The following PDZD2 variants were observed in gnomAD, a reference collection of about 807,000 sequenced individuals.
PDZD2 encodes PDZ domain containing 2, also known as PDZ domain-containing protein 2.
In PDZD2, 90 loss-of-function variants were observed where a neutral mutation model predicts 220.7. The observed-to-expected ratio is 0.41, with a 90% CI of 0.34 to 0.49. PDZD2 has a LOEUF of 0.49. PDZD2 is among the 20% of genes least tolerant of loss of function. The probability of loss-of-function intolerance (pLI) is 0.28; values close to 1 mark genes in which losing one functional copy is unlikely to be tolerated. For synonymous variants in PDZD2, 1,375 were observed against 1,450.5 expected, an observed-to-expected ratio of 0.95 and a Z score of 1.18; for missense variants, 3,174 against 3,608.5, an observed-to-expected ratio of 0.88 and a Z score of 3.08.
rs1204456575 is a variant in PDZD2 at position 31,799,417 on chromosome 5, G to T, written c.169G>T (p.Val57Phe). ...GAACTTTGCTGTGGATGAGAGTACG[G>T]TCCCACCTGATCACAGCCCCCCCGA... The part of the protein sequence containing the change: ...QLNFAVDEST[V>F]PPDHSPPEME... The change falls in exon 2 of 25, where the codon GTC (valine) becomes TTC (phenylalanine). Residue 57 changes from valine to phenylalanine, a missense_variant. Val to Phe is a conservative substitution (Grantham distance 50, BLOSUM62 -1). This residue lies in a region of PDZD2 where 632 missense variants were observed against 708.1 expected (regional missense o/e 0.89). Transcript: ENST00000438447. The T allele has an allele frequency of 6.2e-7, 1 of 1,614,222 alleles. No homozygotes were observed. Among genetic ancestry groups the T allele is most frequent in the Admixed American group, 1.7e-5 (1 of 60,022 alleles).
chr5:32,021,296 G>A (rs577630527), intron 6 of PDZD2, among the ~76,000 whole-genome samples: 6 of 150,148 alleles, frequency 4.0e-5, no homozygotes, highest in South Asian at 2.1e-4. Flanking sequence ...AGACAGCCTC[G>A]CTCTGTCACC....
At chr5:31,995,744 C>T (rs770940271) in intron 4 of PDZD2, 26 bp downstream of exon 4, 36 of 1,604,700 alleles carry the variant, frequency 2.2e-5, no homozygotes, top group Non-Finnish European at 3.0e-5. Flanking sequence ...TCCCCTCTCC[C>T]CCATCCCTCT....
intron 1 of PDZD2, among the ~76,000 whole-genome samples, chr5:31,735,123 T>C (rs253912): frequency 0.76 from 115,149 of 152,104 alleles, 43,755 homozygotes; most frequent in East Asian, 0.93. Context: ...CTCAGCCTCT[T>C]CATGAGCCGT....
At chr5:31,655,362 C>T (rs1025991419) in intron 1 of PDZD2, among the ~76,000 whole-genome samples, 3 of 152,034 alleles carry the variant, frequency 2.0e-5, no homozygotes, top group African/African-American at 7.2e-5. Context: ...TTAGTAGAGA[C>T]GGGGTTTCAC....
chr5:31,874,498 C>T (rs1175736052), intron 2 of PDZD2, among the ~76,000 whole-genome samples: 1 of 152,090 alleles, frequency 6.6e-6, no homozygotes, highest in Non-Finnish European at 1.5e-5. Flanking sequence ...TGGTGGCTCA[C>T]ACCTGTAATC....
intron 1 of PDZD2, among the ~76,000 whole-genome samples, chr5:31,678,104 G>T (rs900114201): frequency 6.6e-6 from 1 of 152,160 alleles, no homozygotes; most frequent in African/African-American, 2.4e-5. Context: ...TCTTTATAAG[G>T]ACTCCAGACA....
intron 1 of PDZD2, among the ~76,000 whole-genome samples, chr5:31,779,413 C>T (rs374601091): frequency 2.4e-5 from 3 of 122,696 alleles, no homozygotes; most frequent in Admixed American, 1.0e-4. Flanking sequence ...TCTTGCTGGT[C>T]GCCCAGGCTG....
In PDZD2 at chr5:31,986,864, C is replaced by T. The variant is rs73070462; in HGVS notation, c.978+3208C>T. The stretch of plus-strand genomic sequence containing the variant: ...TAAGACAATGTTACATTAAAATAAA[C>T]CCTCAGTCTTTCCTTTTCCATCCAG... On this transcript the variant is annotated intron_variant, in intron 3 of 24. Transcript: ENST00000438447. 7.0e-3 allele frequency among the ~76,000 whole-genome samples: 1,065 copies of T among 152,196 alleles called. 14 individuals carry two copies. The highest frequency in any genetic ancestry group is 0.024 in the African/African-American group (1,014 of 41,532).
intron 1 of PDZD2, among the ~76,000 whole-genome samples, chr5:31,690,849 G>A (rs1369069642): frequency 6.6e-6 from 1 of 152,090 alleles, no homozygotes; most frequent in Non-Finnish European, 1.5e-5. Context: ...TTTTTGGGGG[G>A]CCACTGTCCA....
At chr5:32,039,803 G>C (rs1755893002) in intron 7 of PDZD2, among the ~76,000 whole-genome samples, 1 of 151,310 alleles carries the variant, frequency 6.6e-6, no homozygotes, top group Non-Finnish European at 1.5e-5. Context: ...CATCGTCTGG[G>C]ATGTGAGGAG....
At chr5:31,963,505 C>G (rs1046446069) in intron 2 of PDZD2, among the ~76,000 whole-genome samples, 1 of 152,124 alleles carries the variant, frequency 6.6e-6, no homozygotes, top group Admixed American at 6.5e-5. Flanking sequence ...GTGGTAGTTG[C>G]TTGTGTCCGT....
At chr5:32,040,483 T>C (rs1755988560) in intron 7 of PDZD2, among the ~76,000 whole-genome samples, 2 of 143,154 alleles carry the variant, frequency 1.4e-5, no homozygotes, top group South Asian at 4.6e-4. Context: ...TGCCGCCCCA[T>C]CTGGGAAATG....
At chr5:31,804,784 T>C (rs1410448475) in intron 2 of PDZD2, among the ~76,000 whole-genome samples, 3 of 152,182 alleles carry the variant, frequency 2.0e-5, no homozygotes, top group African/African-American at 7.2e-5. Context: ...ACAAAATACC[T>C]CCTCAGTATA....
chr5:32,007,385 TAA>T (rs572413432), intron 5 of PDZD2, among the ~76,000 whole-genome samples: 19 of 136,318 alleles, frequency 1.4e-4, no homozygotes, highest in South Asian at 2.4e-4. Context: ...AGTTGGGATT[TAA>T]AAAAAAAAAA....
chr5:31,763,945 G>A (rs1751825929), intron 1 of PDZD2, among the ~76,000 whole-genome samples: 1 of 151,318 alleles, frequency 6.6e-6, no homozygotes, highest in African/African-American at 2.4e-5. Flanking sequence ...TGACTTGACT[G>A]AAGGCACCAA....
At chr5:31,994,050 C>T (rs1023517900) in intron 3 of PDZD2, among the ~76,000 whole-genome samples, 7 of 152,242 alleles carry the variant, frequency 4.6e-5, no homozygotes, top group Non-Finnish European at 7.4e-5. Flanking sequence ...TGGAGTCTCA[C>T]TGTGTCACCC....
At chr5:31,825,906 C>T (rs1348530579) in intron 2 of PDZD2, among the ~76,000 whole-genome samples, 1 of 150,980 alleles carries the variant, frequency 6.6e-6, no homozygotes, top group Non-Finnish European at 1.5e-5. Flanking sequence ...TTTCCACAGG[C>T]ATGCTATTAA....
At chr5:31,850,312 C>G (rs147391349) in intron 2 of PDZD2, among the ~76,000 whole-genome samples, 2 of 123,756 alleles carry the variant, frequency 1.6e-5, no homozygotes, top group East Asian at 4.2e-4. Flanking sequence ...ATATTTTTAG[C>G]GATGCCCATC....
rs1475315581 is a variant in PDZD2 at position 32,069,763 on chromosome 5, A to C, written c.2533+113A>C. ...ATTCTTGGTAATTATCAGGTTTGGC[A>C]AAAGTAGCTGTCAAAGACAGTCTAT... On this transcript the variant is annotated intron_variant, in intron 15 of 24. Transcript: ENST00000438447. 10 of 654,916 alleles carry C rather than the reference A, an allele frequency of 1.5e-5. No homozygotes were observed. In the East Asian group the frequency reaches 2.5e-4, roughly 16 times the overall value. 40.6% of individuals were successfully genotyped at this position (654,916 alleles called of 1,614,324 possible). A position where few individuals can be genotyped will look rare whatever the true frequency, so the allele number is the denominator to read the frequency against.
Sources: gnomAD v4.1 joint callset for allele counts (sites outside exome capture counted in the v4.1 genomes callset) on GRCh38, gnomAD v4.1.1 for gene constraint, gnomAD v4.1.1 regional missense constraint, MANE v1.5 for transcripts, NCBI Gene and HGNC (gene_info 2026-07-23, HGNC 2026-07-21) for gene names.